SOS2: variants seen among roughly 807,000 people sequenced by gnomAD.
The protein encoded by SOS2 is son of sevenless homolog 2.
In SOS2, 65 loss-of-function variants were observed where a neutral mutation model predicts 148.2. That is an observed-to-expected ratio of 0.44 (90% CI 0.36 to 0.54). The LOEUF (loss-of-function observed/expected upper bound fraction) is 0.54, where lower values mean the gene tolerates loss of function less well. Among genes scored for constraint, SOS2 ranks in the 20% least tolerant of loss-of-function variants. The pLI is 0.00. For synonymous variants in SOS2, 539 were observed against 537.1 expected (o/e 1.00, Z -0.05); for missense variants, 1,341 against 1,590.2 (o/e 0.84, Z 2.67).
At chr14:50,218,350 C>G (rs1045222742) in intron 1 of SOS2, among the ~76,000 whole-genome samples, 5 of 151,326 alleles carry the variant, frequency 3.3e-5, no homozygotes, top group Admixed American at 2.6e-4. Context: ...TGGCAAAATC[C>G]TGTCTCTACT....
At chr14:50,186,723 A>C (rs1312095374) in intron 5 of SOS2, among the ~76,000 whole-genome samples, 1 of 152,172 alleles carries the variant, frequency 6.6e-6, no homozygotes, top group Non-Finnish European at 1.5e-5. Flanking sequence ...ATAAAATAGA[A>C]CAGTACTTTG....
chr14:50,231,401 G>A lies in SOS2; in HGVS notation c.-118C>T, dbSNP rs888698417. The A allele has an allele frequency of 2.4e-5, 5 of 210,380 alleles. No individual in the cohort carries two copies. The highest frequency in any genetic ancestry group is 9.5e-5 in the African/African-American group (4 of 42,236). The allele number at this position is 210,380 out of a possible 1,614,324, so 13.0% of individuals were successfully genotyped here. A position where few individuals can be genotyped will look rare whatever the true frequency, so the allele number is the denominator to read the frequency against. On this transcript the variant is annotated 5_prime_UTR_variant, in exon 1 of 23. Coordinates refer to ENST00000216373, the MANE Select transcript of SOS2 (RefSeq NM_006939.4). ...GGCCGCCGCCTCCCGCCCGGGCCGAGGCTACGGCCGAGGCGGCTCGGAGGC... is the reference window on the plus strand; with the variant it reads ...GGCCGCCGCCTCCCGCCCGGGCCGAAGCTACGGCCGAGGCGGCTCGGAGGC...
In SOS2 at chr14:50,118,455, C is replaced by G; in HGVS notation, c.3888G>C (p.Gln1296His). Residue 1296 changes from glutamine to histidine, a missense_variant, in exon 23 of 23, where the codon CAG becomes CAC. Transcript: ENST00000216373. ...HPPAPPVPPR[Q>H]NSSPHLPKLP... ...GTTTTGGCAGATGAGGGCTTGAATT[C>G]TGCCTTGGTGGAACAGGGGGAGCTG... 6.2e-7 allele frequency: 1 copy of G among 1,614,158 alleles called. No individual in the cohort carries two copies. The highest frequency in any genetic ancestry group is 2.2e-5 in the East Asian group (1 of 44,882).
chr14:50,133,496 G>A (rs1357131938), intron 19 of SOS2, among the ~76,000 whole-genome samples: 2 of 151,852 alleles, frequency 1.3e-5, no homozygotes, highest in Non-Finnish European at 2.9e-5. Flanking sequence ...CACCATGCCC[G>A]GTCTCTATGA....
intron 8 of SOS2, among the ~76,000 whole-genome samples, chr14:50,163,642 T>C (rs73283493): frequency 0.017 from 2,528 of 152,328 alleles, 71 homozygotes; most frequent in African/African-American, 0.058. Context: ...TTGGTTATTC[T>C]GACTTCTACA....
Position 50,146,788 on chromosome 14 carries a change from G to GC in SOS2, c.2385-1193dup, listed in dbSNP as rs1163444682. Among the ~76,000 whole-genome samples, 3 of 152,282 alleles carry GC rather than the reference G, an allele frequency of 2.0e-5. No homozygotes were observed. The East Asian group carries it at 5.8e-4, about 29-fold the overall frequency. On this transcript the variant is annotated intron_variant, in intron 14 of 22. Transcript: ENST00000216373. ...TATAAATATAACGGAACACTACACA[G>GC]CATCTAAAATAAGCTAACTAGAACT... is the stretch of plus-strand genomic sequence containing the variant.
intron 22 of SOS2, among the ~76,000 whole-genome samples, chr14:50,119,626 C>G (rs1257873425): frequency 1.3e-5 from 2 of 151,786 alleles, no homozygotes; most frequent in African/African-American, 4.8e-5. Flanking sequence ...ACCTTCACCT[C>G]CCAGGTTCAA....
chr14:50,164,097 C>G (rs986302689), intron 8 of SOS2, among the ~76,000 whole-genome samples: 1 of 151,960 alleles, frequency 6.6e-6, no homozygotes, highest in African/African-American at 2.4e-5. Flanking sequence ...AATGAATATC[C>G]AACTAATATT....
chr14:50,224,217 G>C (rs1566487767), intron 1 of SOS2, among the ~76,000 whole-genome samples: 1 of 151,146 alleles, frequency 6.6e-6, no homozygotes, highest in Admixed American at 6.6e-5. Flanking sequence ...GTTGAGCCTG[G>C]GAGGCAGAGG....
At position 50,224,306 on chromosome 14, in the gene SOS2, TATATATATACACAC is replaced by T. The variant is rs1566487892; in HGVS notation, c.87+6877_87+6890del. 8.4e-5 allele frequency among the ~76,000 whole-genome samples: 4 copies of T among 47,800 alleles called. 1 individual carries two copies. The highest frequency in any genetic ancestry group is 3.6e-4 in the African/African-American group (4 of 11,070). 31.4% of individuals were successfully genotyped at this position (47,800 alleles called of 152,430 possible). A position where few individuals can be genotyped will look rare whatever the true frequency, so the allele number is the denominator to read the frequency against. On this transcript the variant is annotated intron_variant, in intron 1 of 22. Transcript: ENST00000216373. ...ACTCCGTCTCAGGAAAAAAAAAAAA[TATATATATACACAC>T]ACACACACACACACACACACACACA...
In SOS2 at chr14:50,223,489, A is replaced by G. The variant is rs997190990; in HGVS notation, c.87+7708T>C. 4.6e-5 allele frequency among the ~76,000 whole-genome samples: 7 copies of G among 152,098 alleles called. No individual in the cohort carries two copies. The East Asian group carries it at 1.4e-3, about 29-fold the overall frequency. ...ACAGATTGAGACCATCCTGGCCAAC[A>G]TGGTGAAACCCCGTCTCTACTAAAA... On this transcript the variant is annotated intron_variant, in intron 1 of 22. Coordinates refer to ENST00000216373, the MANE Select transcript of SOS2 (RefSeq NM_006939.4).
At chr14:50,208,409 T>C (rs1886746927) in intron 1 of SOS2, among the ~76,000 whole-genome samples, 1 of 152,136 alleles carries the variant, frequency 6.6e-6, no homozygotes, top group South Asian at 2.1e-4. Context: ...CCCAGCACTT[T>C]GGGAGGCTGA....
intron 1 of SOS2, among the ~76,000 whole-genome samples, chr14:50,222,209 C>T (rs1180127336): frequency 4.6e-5 from 7 of 152,180 alleles, no homozygotes; most frequent in Admixed American, 2.6e-4. Flanking sequence ...TATGAAATTA[C>T]ATCTACTGCA....
At chr14:50,155,451 C>A (rs560106174) in intron 12 of SOS2, among the ~76,000 whole-genome samples, 85 of 152,206 alleles carry the variant, frequency 5.6e-4, no homozygotes, top group Non-Finnish European at 8.2e-4. Context: ...ACCCTGAATA[C>A]CTACAGTCAC....
chr14:50,169,662 T>C (rs566455737), intron 8 of SOS2, among the ~76,000 whole-genome samples: 2 of 152,190 alleles, frequency 1.3e-5, no homozygotes, highest in East Asian at 3.9e-4. Context: ...AAGTACATTG[T>C]TGGTTTATTG....
At chr14:50,174,176 A>AT (rs954293554) in intron 8 of SOS2, among the ~76,000 whole-genome samples, 3 of 108,738 alleles carry the variant, frequency 2.8e-5, no homozygotes, top group African/African-American at 8.8e-5. Flanking sequence ...GAAGAGAGTC[A>AT]TTTTTTTTAA....
intron 8 of SOS2, among the ~76,000 whole-genome samples, chr14:50,173,615 G>A (rs1270147906): frequency 1.3e-5 from 2 of 152,026 alleles, no homozygotes; most frequent in Non-Finnish European, 2.9e-5. Flanking sequence ...TAGAGACGGG[G>A]TTTCACCATG....
At chr14:50,145,629 A>G in intron 14 of SOS2, 33 bp from the exon 15 acceptor site, 1 of 1,417,482 alleles carries the variant, frequency 7.1e-7, no homozygotes. Context: ...AACTTAACCT[A>G]TAAAGGATTT....
At chr14:50,206,220 C>G (rs1886655293) in intron 1 of SOS2, among the ~76,000 whole-genome samples, 1 of 152,052 alleles carries the variant, frequency 6.6e-6, no homozygotes. Flanking sequence ...TTTTGTCAAC[C>G]TTTCTTTTCT....
Sources: gnomAD v4.1 joint callset for allele counts (sites outside exome capture counted in the v4.1 genomes callset) on GRCh38, gnomAD v4.1.1 for gene constraint, MANE v1.5 for transcripts, NCBI Gene and HGNC (gene_info 2026-07-23, HGNC 2026-07-21) for gene names.